The following MICAL2 variants were observed in gnomAD, a reference collection of about 807,000 sequenced individuals.
The protein encoded by MICAL2 is [F-actin]-monooxygenase MICAL2.
In MICAL2, 77 loss-of-function variants were observed where a neutral mutation model predicts 127.3. The ratio of observed to expected loss-of-function variants is 0.60; its 90% CI spans 0.50 to 0.73. The LOEUF is 0.73. Ranked by LOEUF, MICAL2 falls within the 30% of genes least tolerant of loss-of-function variation. MICAL2 has a pLI of 0.00. For synonymous variants in MICAL2, 570 were observed against 551.1 expected (o/e 1.03, Z -0.48); for missense variants, 1,351 against 1,434.4 (o/e 0.94, Z 0.94).
At chr11:12,200,921 C>T (rs1860637585) in intron 3 of MICAL2, among the ~76,000 whole-genome samples, 1 of 152,114 alleles carries the variant, frequency 6.6e-6, no homozygotes, top group South Asian at 2.1e-4. Context: ...CCTCTCTTCA[C>T]CCCACATCCT....
At chr11:12,113,845 G>T (rs1343197322) in intron 1 of MICAL2, among the ~76,000 whole-genome samples, 1 of 151,698 alleles carries the variant, frequency 6.6e-6, no homozygotes, top group African/African-American at 2.4e-5. Context: ...GATGAGGGGG[G>T]GCTACAGTAC....
chr11:12,352,277 G>A (rs1939062678), intron 33 of MICAL2, among the ~76,000 whole-genome samples: 4 of 152,232 alleles, frequency 2.6e-5, no homozygotes, highest in Admixed American at 1.3e-4. Flanking sequence ...CACATTCTGT[G>A]CACCAGGGAC....
intron 29 of MICAL2, among the ~76,000 whole-genome samples, chr11:12,307,861 C>A (rs1864130913): frequency 6.6e-6 from 1 of 152,110 alleles, no homozygotes; most frequent in Non-Finnish European, 1.5e-5. Context: ...TTGATTATTG[C>A]AGCTTTAGAG....
At chr11:12,128,940 G>C (rs1851175700) in intron 1 of MICAL2, among the ~76,000 whole-genome samples, 1 of 152,218 alleles carries the variant, frequency 6.6e-6, no homozygotes, top group Non-Finnish European at 1.5e-5. Context: ...CACTCTGAAA[G>C]AGTTATTATT....
chr11:12,179,332 C>T (rs1857178102), intron 3 of MICAL2, among the ~76,000 whole-genome samples: 1 of 152,148 alleles, frequency 6.6e-6, no homozygotes, highest in African/African-American at 2.4e-5. Flanking sequence ...CCTTGGAGAT[C>T]CTCCACCTTT....
chr11:12,232,477 C>A (rs1386865700), intron 15 of MICAL2, among the ~76,000 whole-genome samples: 3 of 152,204 alleles, frequency 2.0e-5, no homozygotes, highest in African/African-American at 7.2e-5. Context: ...TAATCCAGCA[C>A]TTTGGGAGGC....
At chr11:12,360,045 A>G (rs1276243876), downstream of MICAL2, among the ~76,000 whole-genome samples, 1 of 151,950 alleles carries the variant, frequency 6.6e-6, no homozygotes, top group African/African-American at 2.4e-5. Flanking sequence ...TTTAAGCACA[A>G]TCTTTCTATG....
intron 15 of MICAL2, among the ~76,000 whole-genome samples, chr11:12,229,860 A>T (rs1857984275): frequency 6.6e-6 from 1 of 152,180 alleles, no homozygotes. Context: ...TTGGCTGCCC[A>T]TTTTGAGAGG....
intron 26 of MICAL2, chr11:12,261,548 G>A (rs1424912169): frequency 1.0e-6 from 1 of 985,308 alleles, no homozygotes; most frequent in African/African-American, 1.7e-5. Flanking sequence ...GGTGCGCAGT[G>A]TATCTGGAGT....
intron 8 of MICAL2, among the ~76,000 whole-genome samples, chr11:12,217,276 T>C (rs2134234118): frequency 6.6e-6 from 1 of 152,322 alleles, no homozygotes; most frequent in South Asian, 2.1e-4. Context: ...CAGAGAAGAA[T>C]GCAGCTATCT....
intron 33 of MICAL2, among the ~76,000 whole-genome samples, chr11:12,351,502 T>C (rs775366003): frequency 2.0e-5 from 3 of 152,126 alleles, no homozygotes; most frequent in Admixed American, 1.3e-4. Flanking sequence ...TGGCCTAAAA[T>C]GTCAAAAGTG....
downstream of MICAL2, among the ~76,000 whole-genome samples, chr11:12,361,886 A>C (rs1049160168): frequency 3.3e-5 from 5 of 152,220 alleles, no homozygotes; most frequent in African/African-American, 1.2e-4. Flanking sequence ...CGCCACATGA[A>C]CAGAGAGGGG....
chr11:12,343,704 A>C (rs1938907562), intron 32 of MICAL2, among the ~76,000 whole-genome samples: 1 of 152,216 alleles, frequency 6.6e-6, no homozygotes, highest in African/African-American at 2.4e-5. Flanking sequence ...GTGTCTTGAA[A>C]GCTGCTTCTT....
chr11:12,113,087 G>C, intron 1 of MICAL2, among the ~76,000 whole-genome samples: 1 of 152,172 alleles, frequency 6.6e-6, no homozygotes, highest in African/African-American at 2.4e-5. Flanking sequence ...GCTGATCCTA[G>C]ATGTCCTCTG....
intron 22 of MICAL2, 39 bp from the exon 23 acceptor site, chr11:12,255,604 A>G (rs761246021): frequency 2.5e-6 from 4 of 1,592,078 alleles, no homozygotes; most frequent in African/African-American, 1.3e-5. Context: ...ACTGGCCTCT[A>G]CCTTTGTCTC....
At position 12,327,323 on chromosome 11, in the gene MICAL2, T is replaced by C. The variant is rs1834637460; in HGVS notation, c.5515+57T>C. ...GCATGGTCTGAGAATAGTGCTAGCG[T>C]AACCATCTGAGGAAAACAGACCTTG... On this transcript the variant is annotated intron_variant, in intron 32 of 34. Transcript: ENST00000646065. 2.8e-6 allele frequency: 4 copies of C among 1,429,122 alleles called. No homozygotes were observed. In the Admixed American group the frequency reaches 6.4e-5, roughly 23 times the overall value. The allele number at this position is 1,429,122 out of a possible 1,614,324, so 88.5% of individuals were successfully genotyped here. A position where few individuals can be genotyped will look rare whatever the true frequency, so the allele number is the denominator to read the frequency against.
intron 1 of MICAL2, among the ~76,000 whole-genome samples, chr11:12,129,467 G>T (rs952995725): frequency 6.6e-6 from 1 of 151,984 alleles, no homozygotes; most frequent in Non-Finnish European, 1.5e-5. Context: ...AATGAAACAC[G>T]CACCCCCCTT....
intron 4 of MICAL2, 150 bp from the exon 5 acceptor site, chr11:12,207,873 C>G (rs929682395): frequency 3.1e-6 from 2 of 645,878 alleles, no homozygotes; most frequent in Non-Finnish European, 5.6e-6. Context: ...AAACACAGAG[C>G]TCTTGGTGCA....
At chr11:12,187,731 G>A (rs1343371431) in intron 3 of MICAL2, among the ~76,000 whole-genome samples, 6 of 152,068 alleles carry the variant, frequency 3.9e-5, no homozygotes, top group Admixed American at 1.3e-4. Context: ...CTTACTTCTC[G>A]GCTATCTTGC....
Sources: allele counts gnomAD v4.1 joint callset (sites outside exome capture counted in the v4.1 genomes callset), GRCh38; gene constraint gnomAD v4.1.1; transcripts MANE v1.5; gene names NCBI Gene and HGNC (gene_info 2026-07-23, HGNC 2026-07-21).